PDSS2: variants seen among roughly 807,000 people sequenced by gnomAD.
The protein encoded by PDSS2 is decaprenyl diphosphate synthase subunit 2.
In PDSS2, 31 loss-of-function variants were observed where a neutral mutation model predicts 44.5. That is an observed-to-expected ratio of 0.70 (90% CI 0.52 to 0.94). The LOEUF is 0.94. PDSS2 is among the 40% of genes least tolerant of loss of function. The pLI, the probability that PDSS2 is intolerant of heterozygous loss-of-function variation, is 0.00. For synonymous variants in PDSS2, 157 were observed against 180.3 expected (o/e 0.87, Z 1.03); for missense variants, 452 against 482.2 (o/e 0.94, Z 0.59).
chr6:107,369,348 G>T (rs1176700389), intron 1 of PDSS2, among the ~76,000 whole-genome samples: 1 of 152,122 alleles, frequency 6.6e-6, no homozygotes, highest in Non-Finnish European at 1.5e-5. Context: ...AACCCAGGAG[G>T]TGGAATTTGC....
chr6:107,211,258 T>A (rs1773193680), intron 5 of PDSS2, among the ~76,000 whole-genome samples: 1 of 151,630 alleles, frequency 6.6e-6, no homozygotes, highest in Non-Finnish European at 1.5e-5. Context: ...ATCTGAATAG[T>A]ATATATTAAA....
At chr6:107,379,435 T>C (rs1779390246) in intron 1 of PDSS2, among the ~76,000 whole-genome samples, 1 of 152,358 alleles carries the variant, frequency 6.6e-6, no homozygotes, top group South Asian at 2.1e-4. Flanking sequence ...GCTATGTTGT[T>C]TAGGCCTTCT....
At chr6:107,195,169 G>GA (rs1210141422) in intron 6 of PDSS2, among the ~76,000 whole-genome samples, 63 of 150,852 alleles carry the variant, frequency 4.2e-4, no homozygotes, top group African/African-American at 1.5e-3. Flanking sequence ...TTCCGTGAGA[G>GA]AAAAAAAAAG....
At chr6:107,246,285 G>T (rs1442096938) in intron 3 of PDSS2, among the ~76,000 whole-genome samples, 1 of 151,796 alleles carries the variant, frequency 6.6e-6, no homozygotes, top group Admixed American at 6.6e-5. Context: ...AAAACAAGCA[G>T]AAAACAGTAA....
At chr6:107,213,590 C>T (rs1354032217) in intron 4 of PDSS2, among the ~76,000 whole-genome samples, 1 of 152,124 alleles carries the variant, frequency 6.6e-6, no homozygotes, top group East Asian at 1.9e-4. Flanking sequence ...GAAACCCTGT[C>T]TCTACTAAAA....
chr6:107,440,618 C>T (rs1017723133), intron 1 of PDSS2, among the ~76,000 whole-genome samples: 1 of 152,126 alleles, frequency 6.6e-6, no homozygotes, highest in Admixed American at 6.5e-5. Flanking sequence ...GTTTTGTGCC[C>T]AGGGAAAGAA....
At position 107,459,205 on chromosome 6, in the gene PDSS2, C is replaced by G. The variant is rs754281828; in HGVS notation, c.81G>C (p.Pro27=). 1 of 1,614,006 alleles carries G rather than the reference C, an allele frequency of 6.2e-7. No individual in the cohort carries two copies. The highest frequency in any genetic ancestry group is 8.5e-7 in the Non-Finnish European group (1 of 1,179,970). Residue 27 remains proline (P), a synonymous_variant, in exon 1 of 8, where the codon CCG becomes CCC. Transcript: ENST00000369037. The surrounding 1 kb of genome is among the most constrained non-coding windows in gnomAD (Gnocchi z 4.3). Reference sequence around the variant, plus strand: ...CCACCGAGGAGATGGTGTCGAGGGACGGGGACCACCACAGGCGACGCGGGG... The same window carrying G: ...CCACCGAGGAGATGGTGTCGAGGGAGGGGGACCACCACAGGCGACGCGGGG... ...SGSPRRLWWS[P]SLDTISSVGS...
chr6:107,154,883 T>C (rs1582703250), intron 7 of PDSS2, 106 bp from the exon 8 acceptor site: 1 of 971,528 alleles, frequency 1.0e-6, no homozygotes, highest in Non-Finnish European at 1.6e-6. Flanking sequence ...GGAGAAATAG[T>C]ATAGATTGAG....
intron 1 of PDSS2, among the ~76,000 whole-genome samples, chr6:107,348,224 T>G (rs9486592): frequency 6.6e-6 from 1 of 152,200 alleles, no homozygotes. Flanking sequence ...CTATGCACTT[T>G]CACATGCACA....
chr6:107,314,790 G>C (rs1477500504), intron 2 of PDSS2, among the ~76,000 whole-genome samples: 20 of 152,172 alleles, frequency 1.3e-4, no homozygotes, highest in Admixed American at 1.3e-3. Context: ...AAAGGTCCTT[G>C]GAATCTATTA....
At chr6:107,375,959 C>T (rs1779272831) in intron 1 of PDSS2, among the ~76,000 whole-genome samples, 1 of 151,148 alleles carries the variant, frequency 6.6e-6, no homozygotes, top group East Asian at 1.9e-4. Context: ...ATTCAACATC[C>T]ATTTATGATA....
At chr6:107,279,952 A>G (rs950589902) in intron 2 of PDSS2, among the ~76,000 whole-genome samples, 2 of 152,190 alleles carry the variant, frequency 1.3e-5, no homozygotes, top group Admixed American at 1.3e-4. Context: ...TAGCTACCCA[A>G]AGCAATCTAT....
chr6:107,309,836 TATA>T (rs1452620190), intron 2 of PDSS2, among the ~76,000 whole-genome samples: 1 of 152,226 alleles, frequency 6.6e-6, no homozygotes, highest in Non-Finnish European at 1.5e-5. Context: ...CATTTCTTCA[TATA>T]ATATTTTACT....
At chr6:107,364,719 C>T (rs1778910681) in intron 1 of PDSS2, among the ~76,000 whole-genome samples, 1 of 152,186 alleles carries the variant, frequency 6.6e-6, no homozygotes, top group South Asian at 2.1e-4. Flanking sequence ...CTGAAGGGCT[C>T]CTCAAATGCC....
chr6:107,325,427 T>G (rs927540944), intron 2 of PDSS2, among the ~76,000 whole-genome samples: 1 of 152,154 alleles, frequency 6.6e-6, no homozygotes, highest in Admixed American at 6.5e-5. Flanking sequence ...CTTAATCAAT[T>G]GAATACACCG....
At chr6:107,273,841 T>C (rs1775682989) in intron 3 of PDSS2, among the ~76,000 whole-genome samples, 188 bp downstream of exon 3, 1 of 152,162 alleles carries the variant, frequency 6.6e-6, no homozygotes, top group Admixed American at 6.5e-5. Context: ...CTCTCAAAAC[T>C]CTTTCCTAGC....
intron 1 of PDSS2, among the ~76,000 whole-genome samples, chr6:107,355,443 G>A (rs1232987719): frequency 6.6e-6 from 1 of 152,104 alleles, no homozygotes; most frequent in Non-Finnish European, 1.5e-5. Flanking sequence ...TCAAAAATGG[G>A]AAAATGTCTG....
At chr6:107,355,762 T>C (rs72939877) in intron 1 of PDSS2, among the ~76,000 whole-genome samples, 9,112 of 152,338 alleles carry the variant, frequency 0.06, 387 homozygotes, top group Non-Finnish European at 0.091. Flanking sequence ...TTCTCAGTCC[T>C]GGCTGCAAAA....
intron 1 of PDSS2, among the ~76,000 whole-genome samples, chr6:107,386,668 A>G (rs188688765): frequency 5.3e-5 from 8 of 152,214 alleles, no homozygotes; most frequent in African/African-American, 1.7e-4. Context: ...CAAATGCCCA[A>G]AGATCTCAGG....
Sources: gnomAD v4.1 joint callset for allele counts (sites outside exome capture counted in the v4.1 genomes callset) on GRCh38, gnomAD v4.1.1 for gene constraint, Gnocchi (gnomAD v3.1) non-coding constraint, MANE v1.5 for transcripts, NCBI Gene and HGNC (gene_info 2026-07-23, HGNC 2026-07-21) for gene names.